The following STPG1 variants were observed in gnomAD, a reference collection of about 807,000 sequenced individuals.
STPG1 encodes the protein sperm tail PG-rich repeat containing 1.
Under a neutral mutation model 40.1 loss-of-function variants are expected in STPG1, and 33 were observed. The ratio of observed to expected loss-of-function variants is 0.82; its 90% confidence interval spans 0.62 to 1.10. The LOEUF is 1.10. STPG1 is among the 50% of genes least tolerant of loss of function. The probability of loss-of-function intolerance (pLI) is 0.00; values close to 1 mark genes in which losing one functional copy is unlikely to be tolerated. For missense variants in STPG1, 396 were observed against 415.1 expected (o/e 0.95, Z 0.40); for synonymous variants, 150 against 155.0 (o/e 0.97, Z 0.24).
At chr1:24,384,075 C>CT in intron 3 of STPG1, 72 bp from the exon 4 acceptor site, 1 of 932,122 alleles carries the variant, frequency 1.1e-6, no homozygotes, top group African/African-American at 1.6e-5. Context: ...GCTTTACATC[C>CT]ATTAACACTA....
At chr1:24,364,203 C>G in intron 7 of STPG1, 1 of 1,537,526 alleles carries the variant, frequency 6.5e-7, no homozygotes, top group Non-Finnish European at 8.8e-7. Context: ...CTCTCCTCCA[C>G]CCACGCCTGT....
intron 1 of STPG1, among the ~76,000 whole-genome samples, chr1:24,404,079 G>GT (rs1052237368): frequency 4.6e-5 from 7 of 152,022 alleles, no homozygotes; most frequent in African/African-American, 7.3e-5. Flanking sequence ...TTAGTTGTAG[G>GT]TTTTTTTAAA....
chr1:24,390,927 G>A (rs1189359506), intron 3 of STPG1, among the ~76,000 whole-genome samples: 1 of 151,868 alleles, frequency 6.6e-6, no homozygotes, highest in Non-Finnish European at 1.5e-5. Flanking sequence ...AGCCTCTTGA[G>A]TAGCTGGGTC....
chr1:24,390,539 A>G (rs576178587), intron 3 of STPG1, among the ~76,000 whole-genome samples: 35 of 152,078 alleles, frequency 2.3e-4, no homozygotes, highest in Admixed American at 1.5e-3. Context: ...CTGCCTCAGG[A>G]GAGGCAGTAG....
intron 2 of STPG1, chr1:24,401,028 A>G (rs1447460501): frequency 9.4e-6 from 3 of 319,958 alleles, no homozygotes; most frequent in African/African-American, 6.3e-5. Context: ...TTACATATCT[A>G]AATTTGAGGA....
At chr1:24,371,243 ATATT>A (rs1221024499) in intron 6 of STPG1, among the ~76,000 whole-genome samples, 1 of 152,188 alleles carries the variant, frequency 6.6e-6, no homozygotes, top group Non-Finnish European at 1.5e-5. Context: ...AATATACTAT[ATATT>A]TATTTAAAAT....
At position 24,399,003 on chromosome 1, in the gene STPG1, C is replaced by A. The variant is rs1296652094; in HGVS notation, c.70+2316G>T. Among the ~76,000 whole-genome samples the A allele has an allele frequency of 6.6e-6, 1 of 151,860 alleles. No individual in the cohort carries two copies. The highest frequency in any genetic ancestry group is 1.5e-5 in the Non-Finnish European group (1 of 67,930). ...TGATTGTAAAATTTGTATAGCTACCCAGATTTGATCATCGCACATTATATT... is the reference window on the plus strand; with the variant it reads ...TGATTGTAAAATTTGTATAGCTACCAAGATTTGATCATCGCACATTATATT... On this transcript the variant is annotated intron_variant, in intron 2 of 8. Transcript: ENST00000337248. This position sits in a 1 kb window ranked among gnomAD's most constrained non-coding sequence, Gnocchi z 4.0.
rs1188749924 is a variant in STPG1 at position 24,399,472 on chromosome 1, G to T, written c.70+1847C>A. Among the ~76,000 whole-genome samples the T allele has an allele frequency of 6.6e-6, 1 of 152,130 alleles. No individual in the cohort carries two copies. The highest frequency in any genetic ancestry group is 1.5e-5 in the Non-Finnish European group (1 of 68,014). ...GAGTTTCTAGAAGAAACTATCTTGG[G>T]ATGGGCAAAGATTTCTTAAGTATTA... is the stretch of plus-strand genomic sequence containing the variant. On this transcript the variant is annotated intron_variant, in intron 2 of 8. Coordinates refer to ENST00000337248, the MANE Select transcript of STPG1 (RefSeq NM_001199013.2). This position sits in a 1 kb window ranked among gnomAD's most constrained non-coding sequence, Gnocchi z 4.0.
chr1:24,380,450 A>T (rs1293616260), intron 4 of STPG1, among the ~76,000 whole-genome samples: 1 of 152,256 alleles, frequency 6.6e-6, no homozygotes, highest in Non-Finnish European at 1.5e-5. Flanking sequence ...GAACAGGGAC[A>T]AAAGTCACAG....
At position 24,404,442 on chromosome 1, in the gene STPG1, A is replaced by C. The variant is rs537683051; in HGVS notation, c.-68-2986T>G. Among the ~76,000 whole-genome samples the C allele has an allele frequency of 9.2e-5, 14 of 152,280 alleles. No individual in the cohort carries two copies. The East Asian group carries it at 2.7e-3, about 29-fold the overall frequency. On this transcript the variant is annotated intron_variant, in intron 1 of 8. Coordinates refer to ENST00000337248, the MANE Select transcript of STPG1 (RefSeq NM_001199013.2). ...TGGGCATCAGGGTAATGCTTGCTTC[A>C]TCACATGAGTTGGAAGGTGTTTTTT... is the stretch of plus-strand genomic sequence containing the variant.
intron 1 of STPG1, 144 bp downstream of exon 1, chr1:24,413,530 G>C (rs1643845035): frequency 6.6e-6 from 1 of 152,298 alleles, no homozygotes; most frequent in Admixed American, 6.5e-5. Context: ...CGCCCTCGGG[G>C]CTCCACCTAG....
intron 3 of STPG1, among the ~76,000 whole-genome samples, chr1:24,387,064 ACCCTCC>A (rs1642539829): frequency 6.6e-6 from 1 of 152,026 alleles, no homozygotes; most frequent in Admixed American, 6.6e-5. Context: ...TGGAGCCAGG[ACCCTCC>A]CTTGGGAGTC....
chr1:24,404,052 T>C (rs1368425583), intron 1 of STPG1, among the ~76,000 whole-genome samples: 1 of 152,188 alleles, frequency 6.6e-6, no homozygotes, highest in African/African-American at 2.4e-5. Flanking sequence ...TTCAGTCTTT[T>C]GGCATTAAGT....
chr1:24,405,375 T>C (rs374415623), intron 1 of STPG1, among the ~76,000 whole-genome samples: 1 of 152,250 alleles, frequency 6.6e-6, no homozygotes, highest in Non-Finnish European at 1.5e-5. Context: ...GTTTAAAATA[T>C]CTTTTATTTT....
In STPG1 at chr1:24,401,306, A is replaced by G. The variant is rs1458699259; in HGVS notation, c.70+13T>C. On this transcript the variant is annotated intron_variant, in intron 2 of 8. Coordinates refer to ENST00000337248, the MANE Select transcript of STPG1 (RefSeq NM_001199013.2). ...TGTCAGGAGCTATCTCCTCCCTGCA[A>G]AGACACATGTACCTTTCTGTACTTC... 6.2e-7 allele frequency: 1 copy of G among 1,613,402 alleles called. No individual in the cohort carries two copies. The highest frequency in any genetic ancestry group is 1.3e-5 in the African/African-American group (1 of 74,884).
chr1:24,394,774 T>C (rs561621295), intron 2 of STPG1, among the ~76,000 whole-genome samples: 75 of 151,736 alleles, frequency 4.9e-4, no homozygotes, highest in South Asian at 1.2e-3. Flanking sequence ...AATAAAACTA[T>C]ACAAAATAAA....
Position 24,391,682 on chromosome 1 carries a change from A to G in STPG1, c.71-3T>C. The G allele has an allele frequency of 6.6e-7, 1 of 1,522,504 alleles. No individual in the cohort carries two copies. The highest frequency in any genetic ancestry group is 8.9e-7 in the Non-Finnish European group (1 of 1,125,242). The allele number at this position is 1,522,504 out of a possible 1,614,324, so 94.3% of individuals were successfully genotyped here. ...TGTTGGATATGCAGCAGTAAAACCT[A>G]AACAACAAAAATGGAGTAAAATCAA... On this transcript the variant is annotated splice_polypyrimidine_tract_variant and splice_region_variant and intron_variant, in intron 2 of 8. Coordinates refer to ENST00000337248, the MANE Select transcript of STPG1 (RefSeq NM_001199013.2).
rs770107500 is a variant in STPG1 at position 24,360,935 on chromosome 1, TGC to T, written c.842_843del (p.Arg281GlnfsTer6). ...AATGATGCACTAGAGATGAAATGCT[TGC>T]GGGGGCCTAAGTAGTCCACGATCTC... ...QYEIVDYLGP[R>X]KHFISSASFV... On this transcript the variant is annotated frameshift_variant, in exon 8 of 9. Coordinates refer to ENST00000337248, the MANE Select transcript of STPG1 (RefSeq NM_001199013.2). LOFTEE classifies it high-confidence loss of function. The T allele has an allele frequency of 2.5e-6, 4 of 1,613,942 alleles. No individual in the cohort carries two copies. In the African/African-American group the frequency reaches 5.3e-5, roughly 22 times the overall value.
rs1423996817 is a variant in STPG1 at position 24,378,086 on chromosome 1, G to T, written c.462+1567C>A. ...AGACTGCCTGGAGTTGGACTGCCCA[G>T]TATAGTAGCCACAGGTTGCATGTGG... On this transcript the variant is annotated intron_variant, in intron 5 of 8. Transcript: ENST00000337248. Among the ~76,000 whole-genome samples, 768 of 152,238 alleles carry T rather than the reference G, an allele frequency of 5.0e-3. 6 individuals carry two copies. Among genetic ancestry groups the T allele is most frequent in the African/African-American group, 0.017 (715 of 41,528 alleles).
Sources: gnomAD v4.1 joint callset for allele counts (sites outside exome capture counted in the v4.1 genomes callset) on GRCh38, gnomAD v4.1.1 for gene constraint, Gnocchi (gnomAD v3.1) non-coding constraint, MANE v1.5 for transcripts, NCBI Gene and HGNC (gene_info 2026-07-23, HGNC 2026-07-21) for gene names.